ELL: variants seen among roughly 807,000 people sequenced by gnomAD.
ELL encodes RNA polymerase II elongation factor ELL.
In ELL, 18 loss-of-function variants were observed where a neutral mutation model predicts 64.0. That is an observed-to-expected ratio of 0.28 (90% CI 0.19 to 0.42). ELL has a LOEUF of 0.42. Ranked by LOEUF, ELL falls within the 10% of genes least tolerant of loss-of-function variation. ELL has a pLI of 1.00. For missense variants in ELL, 797 were observed against 870.4 expected (o/e 0.92, Z 1.06); for synonymous variants, 399 against 376.2 (o/e 1.06, Z -0.70).
chr19:18,465,663 G>A (rs1447815243), intron 3 of ELL, 88 bp from the exon 4 acceptor site: 1 of 1,480,248 alleles, frequency 6.8e-7, no homozygotes, highest in Non-Finnish European at 9.0e-7. Flanking sequence ...CCCACCACCT[G>A]GCCTGGAAAA....
At position 18,465,459 on chromosome 19, in the gene ELL, G is replaced by A. The variant is rs1974913038; in HGVS notation, c.422C>T (p.Thr141Met). The change falls in exon 4 of 12, where the codon ACG becomes ATG. Residue 141 changes from threonine to methionine, a missense_variant. Transcript: ENST00000262809. ...GATGACAATGGCACTTCGGCTCCGC[G>A]TCTCCTCCTCCGCCTGGGCCATGCT... ...RQSMAQAEEE[T>M]RSRSAIVIKA... 1.9e-6 allele frequency: 3 copies of A among 1,611,954 alleles called. No individual in the cohort carries two copies. The highest frequency in any genetic ancestry group is 1.7e-5 in the Admixed American group (1 of 59,922).
chr19:18,468,960 G>T (rs1975007067), intron 2 of ELL, among the ~76,000 whole-genome samples: 1 of 152,212 alleles, frequency 6.6e-6, no homozygotes, highest in Non-Finnish European at 1.5e-5. Context: ...GTGGGTAGGG[G>T]CTTCATAGTG....
In ELL at chr19:18,444,682, T is replaced by G; in HGVS notation, c.*70A>C. The G allele has an allele frequency of 5.5e-6, 8 of 1,452,882 alleles. No individual in the cohort carries two copies. Among genetic ancestry groups the G allele is most frequent in the Non-Finnish European group, 6.5e-6 (7 of 1,078,290 alleles). The allele number at this position is 1,452,882 out of a possible 1,614,324, so 90.0% of individuals were successfully genotyped here. A position where few individuals can be genotyped will look rare whatever the true frequency, so the allele number is the denominator to read the frequency against. ...GAGCATCTTCCTCGGGTTTATTTTT[T>G]TAAATAAATCCTCTCTCACCGCCTT... On this transcript the variant is annotated 3_prime_UTR_variant, in exon 12 of 12. Transcript: ENST00000262809.
At position 18,445,209 on chromosome 19, in the gene ELL, A is replaced by T; in HGVS notation, c.1749+15T>A. 1.2e-6 allele frequency: 2 copies of T among 1,614,074 alleles called. No homozygotes were observed. Among genetic ancestry groups the T allele is most frequent in the Non-Finnish European group, 1.7e-6 (2 of 1,180,006 alleles). On this transcript the variant is annotated intron_variant, in intron 11 of 11. Coordinates refer to ENST00000262809, the MANE Select transcript of ELL (RefSeq NM_006532.4). ...TGGCTCACTTGGAGCCCACCCCAACACAAGAGACACTCACCTTTTTGATTT... is the reference window on the plus strand; with the variant it reads ...TGGCTCACTTGGAGCCCACCCCAACTCAAGAGACACTCACCTTTTTGATTT...
At chr19:18,489,975 C>G (rs1229065948) in intron 1 of ELL, among the ~76,000 whole-genome samples, 3 of 152,160 alleles carry the variant, frequency 2.0e-5, no homozygotes, top group Non-Finnish European at 4.4e-5. Context: ...TGGCCCTGAC[C>G]ACGCTGTGGA....
Position 18,444,702 on chromosome 19 carries a change from C to G in ELL, c.*50G>C, listed in dbSNP as rs758840241. 6.6e-7 allele frequency: 1 copy of G among 1,512,926 alleles called. No homozygotes were observed. The highest frequency in any genetic ancestry group is 1.2e-5 in the South Asian group (1 of 84,540). 93.7% of individuals were successfully genotyped at this position (1,512,926 alleles called of 1,614,324 possible). A position where few individuals can be genotyped will look rare whatever the true frequency, so the allele number is the denominator to read the frequency against. ...TTTTTTTAAATAAATCCTCTCTCAC[C>G]GCCTTTTGCTCCCCCGACCCTCCCA... On this transcript the variant is annotated 3_prime_UTR_variant, in exon 12 of 12. Coordinates refer to ENST00000262809, the MANE Select transcript of ELL (RefSeq NM_006532.4).
intron 8 of ELL, among the ~76,000 whole-genome samples, chr19:18,450,035 C>A (rs2144891624): frequency 6.6e-6 from 1 of 152,364 alleles, no homozygotes; most frequent in East Asian, 1.9e-4. Context: ...CCCATCTGCA[C>A]CTGTGCTGCC....
intron 1 of ELL, among the ~76,000 whole-genome samples, chr19:18,511,302 C>T (rs1287336225): frequency 6.7e-6 from 1 of 150,322 alleles, no homozygotes; most frequent in African/African-American, 2.4e-5. Flanking sequence ...TGGTGGTGGG[C>T]GCCTGTAATC....
intron 6 of ELL, among the ~76,000 whole-genome samples, chr19:18,452,969 C>T (rs1393242956): frequency 6.6e-6 from 1 of 152,200 alleles, no homozygotes; most frequent in Non-Finnish European, 1.5e-5. Context: ...GAGATGAAAA[C>T]GTTAAAAAAT....
intron 1 of ELL, among the ~76,000 whole-genome samples, chr19:18,483,203 C>G (rs1335610888): frequency 6.6e-6 from 1 of 152,186 alleles, no homozygotes; most frequent in Non-Finnish European, 1.5e-5. Flanking sequence ...GCTGCCACAG[C>G]CCCCAGTGAA....
intron 1 of ELL, among the ~76,000 whole-genome samples, chr19:18,500,588 G>A (rs978815546): frequency 6.6e-6 from 1 of 152,254 alleles, no homozygotes; most frequent in African/African-American, 2.4e-5. Context: ...GGAAGCAGCT[G>A]TGTGTTGGGG....
At position 18,521,956 on chromosome 19, in the gene ELL, C is replaced by A. The variant is rs1208862127; in HGVS notation, c.100G>T (p.Ala34Ser). The change falls in exon 1 of 12, where the codon GCC becomes TCC. Residue 34 changes from alanine (A) to serine (S), a missense_variant. Ala to Ser is a moderately conservative substitution (Grantham distance 99). Transcript: ENST00000262809. ...CGGTAGCTCTCGAAGGCCCTCAGGG[C>A]ACTGTCGGTGAGCTTCACGTGGAAC... Reference protein sequence around the residue: ...SVFHVKLTDSALRAFESYRAR... With the variant: ...SVFHVKLTDSSLRAFESYRAR... The A allele has an allele frequency of 1.2e-6, 2 of 1,609,862 alleles. No homozygotes were observed. The highest frequency in any genetic ancestry group is 8.5e-7 in the Non-Finnish European group (1 of 1,178,162).
At chr19:18,495,623 CAG>C (rs1187927301) in intron 1 of ELL, among the ~76,000 whole-genome samples, 1 of 152,214 alleles carries the variant, frequency 6.6e-6, no homozygotes, top group Non-Finnish European at 1.5e-5. Flanking sequence ...GGCTGGTAGG[CAG>C]AGTGACAGGC....
chr19:18,496,336 A>C (rs538231057), intron 1 of ELL, among the ~76,000 whole-genome samples: 15 of 152,308 alleles, frequency 9.8e-5, no homozygotes, highest in Middle Eastern at 3.4e-3. Flanking sequence ...GGAAGAGCTC[A>C]AGGGCTGCTG....
chr19:18,461,499 C>T (rs1974812279), intron 5 of ELL, 79 bp downstream of exon 5: 2 of 1,529,676 alleles, frequency 1.3e-6, no homozygotes, highest in Non-Finnish European at 1.8e-6. Flanking sequence ...TCCCAGTCTC[C>T]ATGCTCTGGC....
Position 18,451,517 on chromosome 19 carries a change from G to A in ELL, c.966+35C>T, listed in dbSNP as rs111744194. On this transcript the variant is annotated intron_variant, in intron 7 of 11. Transcript: ENST00000262809. The stretch of plus-strand genomic sequence containing the variant: ...ATGCAGCACAGAGTGCCCTGCAGGT[G>A]CTTGGGACAGTCACCCCAGGCATGC... 8.1e-3 allele frequency: 11,679 copies of A among 1,447,314 alleles called. 79 individuals are homozygous for A. Among genetic ancestry groups the A allele is most frequent in the African/African-American group, 0.032 (2,170 of 67,630 alleles). The allele number at this position is 1,447,314 out of a possible 1,614,324, so 89.7% of individuals were successfully genotyped here.
At chr19:18,521,837 G>A in intron 1 of ELL, 84 bp downstream of exon 1, 1 of 1,485,260 alleles carries the variant, frequency 6.7e-7, no homozygotes, top group African/African-American at 1.4e-5. Flanking sequence ...GCGTCTCCGA[G>A]CCCGGACGCC....
intron 1 of ELL, among the ~76,000 whole-genome samples, chr19:18,476,484 G>A (rs1323316641): frequency 1.2e-5 from 1 of 81,562 alleles, no homozygotes; most frequent in African/African-American, 4.7e-5. Context: ...CACCCACCCC[G>A]TGGCTCCATG....
At chr19:18,447,706 C>A (rs1014571966) in intron 8 of ELL, among the ~76,000 whole-genome samples, 1 of 152,104 alleles carries the variant, frequency 6.6e-6, no homozygotes, top group Admixed American at 6.5e-5. Context: ...CAATTTAGTG[C>A]GTTTTCTAGA....
Sources: gnomAD v4.1 joint callset for allele counts (sites outside exome capture counted in the v4.1 genomes callset) on GRCh38, gnomAD v4.1.1 for gene constraint, MANE v1.5 for transcripts, NCBI Gene and HGNC (gene_info 2026-07-23, HGNC 2026-07-21) for gene names.